Variants in NCOA5 observed in about 807,000 individuals in gnomAD.
The protein encoded by NCOA5 is nuclear receptor coactivator 5.
NCOA5 carries 12 observed loss-of-function variants against 59.0 expected under a neutral mutation model. The observed-to-expected ratio is 0.20, with a 90% CI of 0.13 to 0.33. The LOEUF (loss-of-function observed/expected upper bound fraction) is 0.33. Among genes scored for constraint, NCOA5 ranks in the 10% least tolerant of loss-of-function variants. The probability of loss-of-function intolerance (pLI) is 1.00; values close to 1 mark genes in which losing one functional copy is unlikely to be tolerated. For missense variants in NCOA5, 655 were observed against 766.6 expected, an observed-to-expected ratio of 0.85 and a Z score of 1.72; for synonymous variants, 270 against 275.5, an observed-to-expected ratio of 0.98 and a Z score of 0.20.
Position 46,062,245 on chromosome 20 carries a change from T to G in NCOA5, c.*55A>C, listed in dbSNP as rs1600613713. ...TCCAAACAGCTCTATTTAGAACAAG[T>G]AAGTGGGAGGAGGCCAGGGGATGAG... On this transcript the variant is annotated 3_prime_UTR_variant, in exon 8 of 8. Coordinates refer to ENST00000290231, the MANE Select transcript of NCOA5 (RefSeq NM_020967.3). 1.4e-6 allele frequency: 2 copies of G among 1,397,428 alleles called. No individual in the cohort carries two copies. The highest frequency in any genetic ancestry group is 1.4e-5 in the African/African-American group (1 of 69,852). The allele number at this position is 1,397,428 out of a possible 1,614,324, so 86.6% of individuals were successfully genotyped here.
chr20:46,072,181 T>C (rs928326780), intron 2 of NCOA5, among the ~76,000 whole-genome samples: 2 of 152,192 alleles, frequency 1.3e-5, no homozygotes, highest in African/African-American at 2.4e-5. Flanking sequence ...CAGCGCATAA[T>C]CATCTCACCC....
chr20:46,068,929 G>A (rs528763484), intron 3 of NCOA5, among the ~76,000 whole-genome samples: 18 of 152,090 alleles, frequency 1.2e-4, no homozygotes, highest in Admixed American at 9.8e-4. Flanking sequence ...ATATCTAAAC[G>A]CATATAACAA....
At chr20:46,085,467 G>A in intron 1 of NCOA5, among the ~76,000 whole-genome samples, 1 of 152,078 alleles carries the variant, frequency 6.6e-6, no homozygotes, top group Non-Finnish European at 1.5e-5. Flanking sequence ...AGAGCAGAGA[G>A]GAGACTAGGA....
chr20:46,085,837 C>T (rs1293765464), intron 1 of NCOA5, among the ~76,000 whole-genome samples: 1 of 151,954 alleles, frequency 6.6e-6, no homozygotes, highest in Non-Finnish European at 1.5e-5. Flanking sequence ...TCAATGAAGC[C>T]AAATTAACGA....
Position 46,062,752 on chromosome 20 carries a change from C to T in NCOA5, c.1288G>A (p.Glu430Lys). 1.2e-6 allele frequency: 2 copies of T among 1,610,710 alleles called. No homozygotes were observed. Among genetic ancestry groups the T allele is most frequent in the Non-Finnish European group, 1.7e-6 (2 of 1,177,832 alleles). The change falls in exon 8 of 8, where the codon GAG becomes AAG. Residue 430 changes from glutamate (E) to lysine (K), a missense_variant. Coordinates refer to ENST00000290231, the MANE Select transcript of NCOA5 (RefSeq NM_020967.3). ...TPSAPPTSQQELQAKILSLFN... is the reference protein window; with the variant it reads ...TPSAPPTSQQKLQAKILSLFN... ...AGGCTGAGGATTTTGGCCTGAAGCTCTTGCTGGGAGGTGGGGGGTGCAGAT... is the reference window on the plus strand; with the variant it reads ...AGGCTGAGGATTTTGGCCTGAAGCTTTTGCTGGGAGGTGGGGGGTGCAGAT...
At chr20:46,078,293 T>G (rs1204532725) in intron 2 of NCOA5, among the ~76,000 whole-genome samples, 1 of 152,224 alleles carries the variant, frequency 6.6e-6, no homozygotes, top group Non-Finnish European at 1.5e-5. Flanking sequence ...CAGTGGACAT[T>G]CTTTCATATA....
In NCOA5 at chr20:46,061,488, G is replaced by A. The variant is rs1038987646; in HGVS notation, c.*812C>T. On this transcript the variant is annotated 3_prime_UTR_variant, in exon 8 of 8. Transcript: ENST00000290231. ...AAAACAAATCACTGAAGAAACGGGT[G>A]TTCACGGCCAGAGTCTCAGAACCAA... 1 of 152,602 alleles carries A rather than the reference G, an allele frequency of 6.6e-6. No homozygotes were observed. Among genetic ancestry groups the A allele is most frequent in the African/African-American group, 2.4e-5 (1 of 41,410 alleles). 9.5% of individuals were successfully genotyped at this position (152,602 alleles called of 1,614,324 possible). A position where few individuals can be genotyped will look rare whatever the true frequency, so the allele number is the denominator to read the frequency against.
intron 5 of NCOA5, among the ~76,000 whole-genome samples, chr20:46,065,688 A>G (rs2084815835): frequency 6.6e-6 from 1 of 152,218 alleles, no homozygotes; most frequent in Admixed American, 6.5e-5. Flanking sequence ...CTAATAAAAC[A>G]GGAGTAACAT....
At chr20:46,085,247 G>A (rs2085034046) in intron 1 of NCOA5, among the ~76,000 whole-genome samples, 1 of 151,264 alleles carries the variant, frequency 6.6e-6, no homozygotes, top group Non-Finnish European at 1.5e-5. Flanking sequence ...GGCTGGTCTT[G>A]AACTTCTGGG....
chr20:46,062,066 T>A lies in NCOA5; in HGVS notation c.*234A>T, dbSNP rs997193677. The A allele has an allele frequency of 9.2e-6, 4 of 432,476 alleles. No homozygotes were observed. The highest frequency in any genetic ancestry group is 2.0e-5 in the African/African-American group (1 of 50,966). 26.8% of individuals were successfully genotyped at this position (432,476 alleles called of 1,614,324 possible). On this transcript the variant is annotated 3_prime_UTR_variant, in exon 8 of 8. Coordinates refer to ENST00000290231, the MANE Select transcript of NCOA5 (RefSeq NM_020967.3). ...GACACCTGTACTGCCCCCGGAGATA[T>A]TTATTTTCTACAAAACAAAAAACAA...
At chr20:46,073,363 G>A (rs577943847) in intron 2 of NCOA5, among the ~76,000 whole-genome samples, 13 of 152,158 alleles carry the variant, frequency 8.5e-5, no homozygotes, top group Non-Finnish European at 1.3e-4. Flanking sequence ...ACATATCATA[G>A]ACCAGGGACT....
At chr20:46,074,134 CGAAAACAAAA>C (rs2084912280) in intron 2 of NCOA5, among the ~76,000 whole-genome samples, 1 of 152,106 alleles carries the variant, frequency 6.6e-6, no homozygotes, top group Non-Finnish European at 1.5e-5. Flanking sequence ...CTTCTGGAGA[CGAAAACAAAA>C]CAAAAAACCC....
chr20:46,067,786 T>TA (rs1283908987), intron 4 of NCOA5, among the ~76,000 whole-genome samples: 1 of 152,114 alleles, frequency 6.6e-6, no homozygotes, highest in Non-Finnish European at 1.5e-5. Flanking sequence ...TGCCTTCATC[T>TA]AAAAAAGAGA....
chr20:46,080,158 C>A (rs1159537830), intron 1 of NCOA5, among the ~76,000 whole-genome samples: 1 of 152,000 alleles, frequency 6.6e-6, no homozygotes, highest in African/African-American at 2.4e-5. Context: ...AGAAGGCTGG[C>A]GTATAGAACT....
intron 5 of NCOA5, 75 bp from the exon 6 acceptor site, chr20:46,065,303 G>T: frequency 1.4e-6 from 2 of 1,439,988 alleles, no homozygotes; most frequent in Non-Finnish European, 9.7e-7. Context: ...AGTTGTGTGT[G>T]TTCCTACTGA....
At chr20:46,068,785 G>A in intron 3 of NCOA5, 147 bp from the exon 4 acceptor site, 1 of 684,614 alleles carries the variant, frequency 1.5e-6, no homozygotes. Flanking sequence ...GAGTTAACCT[G>A]TCTCACTGAG....
chr20:46,061,998 A>G lies in NCOA5; in HGVS notation c.*302T>C, dbSNP rs1190716532. ...GCTAGCTGGGCCTGGCTCCAAATCC[A>G]GTAGAAACAGGGACCGGAGAAACCC... On this transcript the variant is annotated 3_prime_UTR_variant, in exon 8 of 8. Transcript: ENST00000290231. 5 of 229,912 alleles carry G rather than the reference A, an allele frequency of 2.2e-5. No individual in the cohort carries two copies. The highest frequency in any genetic ancestry group is 4.3e-5 in the Non-Finnish European group (5 of 116,866). The allele number at this position is 229,912 out of a possible 1,614,324, so 14.2% of individuals were successfully genotyped here.
chr20:46,068,542 T>C lies in NCOA5; in HGVS notation c.462A>G (p.Gly154=). The C allele has an allele frequency of 6.2e-6, 10 of 1,613,658 alleles. No homozygotes were observed. Among genetic ancestry groups the C allele is most frequent in the Non-Finnish European group, 8.5e-6 (10 of 1,179,784 alleles). The change falls in exon 4 of 8, where the codon GGA becomes GGG. Residue 154 remains glycine, a synonymous_variant. Transcript: ENST00000290231. ...GACTTTCTGGGCCTGGAGGGCCCCG[T>C]CCATCAAAGCTATCTCTGTAACGGT... ...YFDRYRDSFD[G]RGPPGPESQS... is the part of the protein sequence containing the mutation.
chr20:46,071,298 C>T (rs1320210863), intron 2 of NCOA5, among the ~76,000 whole-genome samples: 1 of 152,130 alleles, frequency 6.6e-6, no homozygotes, highest in African/African-American at 2.4e-5. Context: ...ACTTCTTACC[C>T]CAACCCCATC....
Sources: allele counts gnomAD v4.1 joint callset (sites outside exome capture counted in the v4.1 genomes callset), GRCh38; gene constraint gnomAD v4.1.1; transcripts MANE v1.5; gene names NCBI Gene and HGNC (gene_info 2026-07-23, HGNC 2026-07-21).